C16orf96: variants seen among roughly 807,000 people sequenced by gnomAD.
C16orf96 encodes the protein chromosome 16 open reading frame 96, also known as uncharacterized protein C16orf96.
A neutral mutation model predicts 103.6 loss-of-function variants in C16orf96; 108 were observed. The ratio of observed to expected loss-of-function variants is 1.04; its 90% CI spans 0.89 to 1.22. The LOEUF (loss-of-function observed/expected upper bound fraction) is 1.22. Ranked by LOEUF, C16orf96 falls within the 50% of genes most tolerant of loss-of-function variation. The pLI is 0.00. For synonymous variants in C16orf96, 566 were observed against 593.5 expected, an observed-to-expected ratio of 0.95 and a Z score of 0.67; for missense variants, 1,586 against 1,464.2, an observed-to-expected ratio of 1.08 and a Z score of -1.36.
intron 6 of C16orf96, 100 bp from the exon 7 acceptor site, chr16:4,579,915 C>A: frequency 1.0e-6 from 1 of 1,004,494 alleles, no homozygotes; most frequent in South Asian, 1.4e-5. Flanking sequence ...CCAGCCTGGT[C>A]TGGTACATTC....
upstream of C16orf96, among the ~76,000 whole-genome samples, chr16:4,553,060 G>C (rs1288149495): frequency 6.6e-6 from 1 of 152,146 alleles, no homozygotes; most frequent in Non-Finnish European, 1.5e-5. Flanking sequence ...TATTCTGAAA[G>C]AGCTTCAGGA....
Position 4,594,722 on chromosome 16 carries a change from GGCGTGGATGGGATCCTGTACAAAGGCC to G in C16orf96, c.3052_3078del (p.Asp1018_Val1026del). 6 of 1,551,308 alleles carry G rather than the reference GGCGTGGATGGGATCCTGTACAAAGGCC, an allele frequency of 3.9e-6. No individual in the cohort carries two copies. The highest frequency in any genetic ancestry group is 5.2e-6 in the Non-Finnish European group (6 of 1,146,942). On this transcript the variant is annotated inframe_deletion, in exon 14 of 16. Coordinates refer to ENST00000444310, the MANE Select transcript of C16orf96 (RefSeq NM_001145011.2). ...CCAACAGGCCGAGGTGGACATCCTG[GGCGTGGATGGGATCCTGTACAAAGGCC>G]GCGTGAACAGCCAGCGTGGGGCTCA...
chr16:4,561,256 A>C (rs144192356), intron 1 of C16orf96: 1 of 151,810 alleles, frequency 6.6e-6, no homozygotes, highest in Admixed American at 6.6e-5. Context: ...GCAGTGAGCC[A>C]AGATCGCGCC....
intron 1 of C16orf96, chr16:4,560,839 C>A (rs542157109): frequency 6.6e-6 from 1 of 151,056 alleles, no homozygotes; most frequent in African/African-American, 2.4e-5. Flanking sequence ...GACACAAATA[C>A]GTTAAAAGTA....
chr16:4,556,498 C>T lies in C16orf96; in HGVS notation c.9C>T (p.Phe3=). 6.5e-7 allele frequency: 1 copy of T among 1,527,442 alleles called. No homozygotes were observed. Among genetic ancestry groups the T allele is most frequent in the Non-Finnish European group, 8.8e-7 (1 of 1,130,190 alleles). The allele number at this position is 1,527,442 out of a possible 1,614,324, so 94.6% of individuals were successfully genotyped here. MS[F]SLTFTELANI... is the part of the protein sequence containing the mutation. ...TGACCCACCCTGGCAGGATGAGCTT[C>T]TCACTCACGTTCACCGAGCTGGCCA... Residue 3 remains phenylalanine, a synonymous_variant, in exon 1 of 16, where the codon TTC becomes TTT. Coordinates refer to ENST00000444310, the MANE Select transcript of C16orf96 (RefSeq NM_001145011.2).
chr16:4,583,354 A>G (rs1284716666), intron 7 of C16orf96, among the ~76,000 whole-genome samples: 1 of 151,622 alleles, frequency 6.6e-6, no homozygotes, highest in Non-Finnish European at 1.5e-5. Context: ...AAAAATAAAA[A>G]TATTAGCCAG....
At chr16:4,553,559 C>T (rs994067219), upstream of C16orf96, among the ~76,000 whole-genome samples, 6 of 152,028 alleles carry the variant, frequency 3.9e-5, no homozygotes, top group South Asian at 2.1e-4. Context: ...GCTGGTCTCA[C>T]GCTCTACTCC....
rs1380048847 is a variant in C16orf96 at position 4,576,201 on chromosome 16, C to G, written c.1721C>G (p.Ala574Gly). 1.3e-6 allele frequency: 2 copies of G among 1,550,518 alleles called. No homozygotes were observed. Among genetic ancestry groups the G allele is most frequent in the East Asian group, 2.4e-5 (1 of 40,932 alleles). ...LKTTAAIAAA[A>G]AAAYAAATSS... ...ACCACCGCTGCCATCGCCGCCGCTG[C>G]CGCCGCAGCCTACGCCGCTGCCACA... Residue 574 changes from alanine (A) to glycine (G), a missense_variant, in exon 5 of 16, where the codon GCC becomes GGC. Physicochemically the swap from Ala to Gly is moderately conservative, Grantham distance 60. Coordinates refer to ENST00000444310, the MANE Select transcript of C16orf96 (RefSeq NM_001145011.2).
At chr16:4,549,085 C>G in the C16orf96 span, among the ~76,000 whole-genome samples, 1 of 152,002 alleles carries the variant, frequency 6.6e-6, no homozygotes, top group African/African-American at 2.4e-5. Flanking sequence ...AGACCCGAGT[C>G]TTATATGGAG....
Position 4,577,101 on chromosome 16 carries a change from G to C in C16orf96, c.2155+466G>C, listed in dbSNP as rs544313310. 3.3e-5 allele frequency among the ~76,000 whole-genome samples: 5 copies of C among 152,278 alleles called. 1 individual carries two copies. In the South Asian group the frequency reaches 1.0e-3, roughly 32 times the overall value. On this transcript the variant is annotated intron_variant, in intron 5 of 15. Transcript: ENST00000444310. ...AGCTACTCGGGAGGCTGTGGCAGGA[G>C]AATCGCTTGAACCCAGGAGGCAGAG...
Position 4,556,706 on chromosome 16 carries a change from C to A in C16orf96, c.217C>A (p.Pro73Thr), listed in dbSNP as rs1441583056. 3.7e-5 allele frequency: 57 copies of A among 1,551,584 alleles called. No individual in the cohort carries two copies. In the East Asian group the frequency reaches 1.3e-3, roughly 37 times the overall value. The change falls in exon 1 of 16, where the codon CCC becomes ACC. Residue 73 changes from proline to threonine, a missense_variant. Pro to Thr is a conservative substitution (Grantham distance 38). Coordinates refer to ENST00000444310, the MANE Select transcript of C16orf96 (RefSeq NM_001145011.2). ...AGGAGACGCCCAGCCTATCCTCAAC[C>A]CCATGAAGAGGCTCAGCAATGTCTT... ...REGDAQPILN[P>T]MKRLSNVFDH...
intron 1 of C16orf96, among the ~76,000 whole-genome samples, chr16:4,570,553 C>T (rs1424603894): frequency 2.0e-5 from 3 of 150,494 alleles, no homozygotes; most frequent in Non-Finnish European, 4.4e-5. Flanking sequence ...CAGCCTCTGC[C>T]TCCCAGGTTC....
chr16:4,585,157 A>G (rs1896891408), intron 7 of C16orf96, among the ~76,000 whole-genome samples: 1 of 152,072 alleles, frequency 6.6e-6, no homozygotes, highest in Non-Finnish European at 1.5e-5. Flanking sequence ...AAAAAATAAA[A>G]ATAAAAAGCA....
the C16orf96 span, among the ~76,000 whole-genome samples, chr16:4,547,085 C>T: frequency 1.1e-4 from 16 of 152,184 alleles, no homozygotes; most frequent in Non-Finnish European, 1.2e-4. Flanking sequence ...CCACCGCCCC[C>T]GGTGAAAGAA....
At chr16:4,578,455 T>A (rs2141727409) in intron 5 of C16orf96, among the ~76,000 whole-genome samples, 2 of 152,208 alleles carry the variant, frequency 1.3e-5, no homozygotes, top group South Asian at 4.1e-4. Flanking sequence ...AAAAATTTTT[T>A]TTAATTAATT....
chr16:4,553,198 A>G (rs1368908009), upstream of C16orf96, among the ~76,000 whole-genome samples: 1 of 152,158 alleles, frequency 6.6e-6, no homozygotes, highest in East Asian at 1.9e-4. Flanking sequence ...TTGTGGATGG[A>G]CTGGTAATGA....
chr16:4,554,608 G>T (rs543028048), upstream of C16orf96, among the ~76,000 whole-genome samples: 2 of 151,870 alleles, frequency 1.3e-5, no homozygotes, highest in African/African-American at 4.8e-5. Flanking sequence ...GCCCGCCTCG[G>T]CCTCCCAAAG....
chr16:4,590,873 A>AT (rs1438460316), intron 9 of C16orf96, among the ~76,000 whole-genome samples: 1 of 151,742 alleles, frequency 6.6e-6, no homozygotes, highest in African/African-American at 2.4e-5. Flanking sequence ...AAAAAAAAAA[A>AT]AAAAAAAAAT....
the C16orf96 span, among the ~76,000 whole-genome samples, chr16:4,547,421 G>A: frequency 1.9e-3 from 288 of 149,050 alleles, 2 homozygotes; most frequent in African/African-American, 7.1e-3. Context: ...ACAGATGTGA[G>A]CCACTGCGCA....
Sources: gnomAD v4.1 joint callset for allele counts (sites outside exome capture counted in the v4.1 genomes callset) on GRCh38, gnomAD v4.1.1 for gene constraint, MANE v1.5 for transcripts, NCBI Gene and HGNC (gene_info 2026-07-23, HGNC 2026-07-21) for gene names.